GCDH: variants seen among roughly 807,000 people sequenced by gnomAD.
GCDH encodes the protein glutaryl-CoA dehydrogenase, also known as glutaryl-CoA dehydrogenase, mitochondrial.
GCDH carries 31 observed loss-of-function variants against 52.8 expected under a neutral mutation model. The observed-to-expected ratio is 0.59, with a 90% confidence interval of 0.44 to 0.79. GCDH has a LOEUF of 0.79. Ranked by LOEUF, GCDH falls within the 30% of genes least tolerant of loss-of-function variation. GCDH has a pLI of 0.00. For synonymous variants in GCDH, 242 were observed against 250.0 expected, an observed-to-expected ratio of 0.97 and a Z score of 0.30; for missense variants, 509 against 595.0, an observed-to-expected ratio of 0.86 and a Z score of 1.50.
rs1485605303 is a variant in GCDH at position 12,896,997 on chromosome 19, CAGT to C, written c.942_944del (p.Gln314_Tyr315delinsHis). The C allele has an allele frequency of 6.2e-7, 1 of 1,611,894 alleles. No homozygotes were observed. The highest frequency in any genetic ancestry group is 8.5e-7 in the Non-Finnish European group (1 of 1,179,356). ...GGAGTTCTGCTTGCACACAGCCCGG[CAGT>C]ACGCCCTCGACAGGTGTGTGAGGGC... On this transcript the variant is annotated inframe_deletion, in exon 9 of 12. Coordinates refer to ENST00000222214, the MANE Select transcript of GCDH (RefSeq NM_000159.4). The surrounding 1 kb of genome is among the most constrained non-coding windows in gnomAD (Gnocchi z 5.5).
intron 6 of GCDH, among the ~76,000 whole-genome samples, chr19:12,895,705 G>A (rs547871344): frequency 1.1e-4 from 16 of 151,612 alleles, no homozygotes; most frequent in South Asian, 4.2e-4. Context: ...TCTCCTGCCC[G>A]GGTTCAAGCG....
At chr19:12,891,641 G>A (rs1250462475) in intron 3 of GCDH, 119 bp downstream of exon 3, 1 of 1,609,396 alleles carries the variant, frequency 6.2e-7, no homozygotes, top group Non-Finnish European at 8.5e-7. Flanking sequence ...GTCGTGGCCA[G>A]GGTCAGAGGC....
At chr19:12,899,397 T>G in intron 11 of GCDH, 71 bp from the exon 12 acceptor site, 2 of 1,614,102 alleles carry the variant, frequency 1.2e-6, no homozygotes, top group Non-Finnish European at 1.7e-6. Context: ...TGGGGATACA[T>G]GAAAATTGAT....
chr19:12,899,881 GCCCTCCCT>G lies in GCDH; in HGVS notation c.*348_*355del. 1 of 1,589,850 alleles carries G rather than the reference GCCCTCCCT, an allele frequency of 6.3e-7. No individual in the cohort carries two copies. Among genetic ancestry groups the G allele is most frequent in the South Asian group, 1.1e-5 (1 of 89,302 alleles). ...CCCCCTCACACTGAGTTCACAGTGC[GCCCTCCCT>G]CCCTCCCATCTGGGGGTAGTGCCTT... On this transcript the variant is annotated 3_prime_UTR_variant, in exon 12 of 12. Coordinates refer to ENST00000222214, the MANE Select transcript of GCDH (RefSeq NM_000159.4).
Position 12,891,917 on chromosome 19 carries a change from C to A in GCDH, c.214C>A (p.Arg72Ser), listed in dbSNP as rs148596667. ...TGAGATCCTCATCAGGGACACCTTCCGCACCTACTGCCAGGAGAGACTCAT... is the reference window on the plus strand; with the variant it reads ...TGAGATCCTCATCAGGGACACCTTCAGCACCTACTGCCAGGAGAGACTCAT... Reference protein sequence around the residue: ...TDEILIRDTFRTYCQERLMPR... With the variant: ...TDEILIRDTFSTYCQERLMPR... The change falls in exon 4 of 12, where the codon CGC (arginine) becomes AGC (serine). Residue 72 changes from arginine to serine, a missense_variant. By Grantham distance (110) the Arg-to-Ser change is moderately radical. Coordinates refer to ENST00000222214, the MANE Select transcript of GCDH (RefSeq NM_000159.4). 6.2e-7 allele frequency: 1 copy of A among 1,614,086 alleles called. No individual in the cohort carries two copies.
Position 12,891,792 on chromosome 19 carries a change from G to A in GCDH, c.128-39G>A, listed in dbSNP as rs1208781334. On this transcript the variant is annotated intron_variant, in intron 3 of 11. Transcript: ENST00000222214. ...AGGGTCCGAGAAGGGAGGGCACAGT[G>A]ATCTTGCGGACTGGACCGAGGCGAA... 6.2e-6 allele frequency: 10 copies of A among 1,612,442 alleles called. No homozygotes were observed. In the Admixed American group the frequency reaches 1.7e-4, roughly 27 times the overall value.
rs767433730 is a variant in GCDH, at chr19:12,896,417, TG to T, written c.852+1del. On this transcript the variant is annotated frameshift_variant, in exon 8 of 12. Coordinates refer to ENST00000222214, the MANE Select transcript of GCDH (RefSeq NM_000159.4). LOFTEE classifies it high-confidence loss of function. The surrounding 1 kb of genome is among the most constrained non-coding windows in gnomAD (Gnocchi z 5.5). ...EENVLPGASS[L>X]GGPFGCLNNA... ...AATGTGCTCCCTGGTGCATCCAGCCTGGGGGTAAGTGGCAGCCACTTTGGGA... is the reference window on the plus strand; with the variant it reads ...AATGTGCTCCCTGGTGCATCCAGCCTGGGGTAAGTGGCAGCCACTTTGGGA... 6 of 1,611,296 alleles carry T rather than the reference TG, an allele frequency of 3.7e-6. No individual in the cohort carries two copies. The highest frequency in any genetic ancestry group is 1.3e-5 in the African/African-American group (1 of 74,868).
At position 12,896,362 on chromosome 19, in the gene GCDH, A is replaced by G. The variant is rs770460444; in HGVS notation, c.793A>G (p.Ile265Val). The G allele has an allele frequency of 2.5e-6, 4 of 1,613,996 alleles. No individual in the cohort carries two copies. Among genetic ancestry groups the G allele is most frequent in the South Asian group, 1.1e-5 (1 of 91,082 alleles). The change falls in exon 8 of 12, where the codon ATC becomes GTC. Residue 265 changes from isoleucine to valine, a missense_variant. Physicochemically the swap from Ile to Val is conservative, Grantham distance 29. Coordinates refer to ENST00000222214, the MANE Select transcript of GCDH (RefSeq NM_000159.4). The surrounding 1 kb of genome is among the most constrained non-coding windows in gnomAD (Gnocchi z 5.5). ...GCGGGCCTCAGCCACAGGCATGATC[A>G]TCATGGACGGTGTGGAGGTGCCAGA... ...SLRASATGMI[I>V]MDGVEVPEEN...
chr19:12,893,113 C>G, intron 5 of GCDH, among the ~76,000 whole-genome samples: 1 of 152,098 alleles, frequency 6.6e-6, no homozygotes. Context: ...TCTTGAACTC[C>G]TGACCTCAGG....
chr19:12,894,325 CAG>C, intron 6 of GCDH: 3 of 787,754 alleles, frequency 3.8e-6, no homozygotes, highest in Non-Finnish European at 4.6e-6. Context: ...CCCCTTGAAA[CAG>C]GGTGTCTTGA....
intron 6 of GCDH, chr19:12,894,557 C>T (rs1244383278): frequency 4.9e-5 from 32 of 655,536 alleles, no homozygotes; most frequent in South Asian, 2.3e-4. Flanking sequence ...TAGCAGAATC[C>T]GTAAACTTTT....
At chr19:12,893,964 G>A in intron 6 of GCDH, 2 of 580,246 alleles carry the variant, frequency 3.4e-6, no homozygotes, top group South Asian at 2.0e-5. Context: ...ACTTTGGGAG[G>A]GTGAAGTGAG....
At chr19:12,895,954 G>T in intron 6 of GCDH, 38 bp from the exon 7 acceptor site, 1 of 1,612,878 alleles carries the variant, frequency 6.2e-7, no homozygotes, top group Non-Finnish European at 8.5e-7. Context: ...GATGTATCAG[G>T]GACCAGGCAG....
rs56251518 is a variant in GCDH, at chr19:12,895,777, ATT to A, written c.506-195_506-194del. Among the ~76,000 whole-genome samples, 42,090 of 109,564 alleles carry A rather than the reference ATT, an allele frequency of 0.38. 7,381 individuals are homozygous for A. The highest frequency in any genetic ancestry group is 0.43 in the African/African-American group (12,147 of 28,554). The allele number at this position is 109,564 out of a possible 152,430, so 71.9% of individuals were successfully genotyped here. ...CAGGCACCCACCACCACATCTGGCT[ATT>A]TTTTTTTTTTTTTTTTTTTAAGTAG... On this transcript the variant is annotated intron_variant, in intron 6 of 11. Coordinates refer to ENST00000222214, the MANE Select transcript of GCDH (RefSeq NM_000159.4).
rs7251834 is a variant in GCDH at position 12,891,219 on chromosome 19, A to G, written c.-35+17A>G. Reference sequence around the variant, plus strand: ...TACTACCAGGTAAGGAAGGTGCGGTAGCCCCAGCCGTGGGTGAGAGGAGCT... The same window carrying G: ...TACTACCAGGTAAGGAAGGTGCGGTGGCCCCAGCCGTGGGTGAGAGGAGCT... On this transcript the variant is annotated intron_variant, in intron 1 of 11. Transcript: ENST00000222214. The G allele has an allele frequency of 0.95, 998,764 of 1,048,340 alleles. 476,181 individuals are homozygous for G. The highest frequency in any genetic ancestry group is 1 in the East Asian group (40,038 of 40,042). The allele number at this position is 1,048,340 out of a possible 1,614,324, so 64.9% of individuals were successfully genotyped here.
intron 6 of GCDH, among the ~76,000 whole-genome samples, chr19:12,895,671 G>A (rs1970655567): frequency 1.3e-5 from 2 of 152,104 alleles, no homozygotes; most frequent in South Asian, 4.1e-4. Flanking sequence ...TAGTGCAGTG[G>A]CATGATCTTG....
chr19:12,893,385 T>C (rs938285080), intron 5 of GCDH, 98 bp from the exon 6 acceptor site: 3 of 1,070,448 alleles, frequency 2.8e-6, no homozygotes, highest in African/African-American at 3.1e-5. Flanking sequence ...GCTTGGTGCC[T>C]GCCTCCTTGT....
chr19:12,895,018 T>C, intron 6 of GCDH: 1 of 237,736 alleles, frequency 4.2e-6, no homozygotes, highest in African/African-American at 2.3e-5. Flanking sequence ...ACTTAGCTAC[T>C]TGAAATTCTC....
At chr19:12,897,931 A>G (rs1298986159) in intron 11 of GCDH, 68 bp downstream of exon 11, 7 of 1,388,570 alleles carry the variant, frequency 5.0e-6, no homozygotes, top group Non-Finnish European at 7.1e-6. Context: ...GGGAGGTGGG[A>G]CGGGGACAGG....
Sources: gnomAD v4.1 joint callset for allele counts (sites outside exome capture counted in the v4.1 genomes callset) on GRCh38, gnomAD v4.1.1 for gene constraint, Gnocchi (gnomAD v3.1) non-coding constraint, MANE v1.5 for transcripts, NCBI Gene and HGNC (gene_info 2026-07-23, HGNC 2026-07-21) for gene names.